Variants in DLG2 observed in about 807,000 individuals in gnomAD.
DLG2 encodes discs large MAGUK scaffold protein 2.
A neutral mutation model predicts 132.5 loss-of-function variants in DLG2; 45 were observed. The observed-to-expected ratio is 0.34, with a 90% CI of 0.27 to 0.44. The LOEUF (loss-of-function observed/expected upper bound fraction) is 0.44, where lower values mean the gene tolerates loss of function less well. Among genes scored for constraint, DLG2 ranks in the 20% least tolerant of loss-of-function variants. DLG2 has a pLI of 1.00. For synonymous variants in DLG2, 424 were observed against 419.6 expected (o/e 1.01, Z -0.13); for missense variants, 1,045 against 1,196.9 (o/e 0.87, Z 1.87).
intron 3 of DLG2, among the ~76,000 whole-genome samples, chr11:85,494,065 T>A (rs1379323393): frequency 2.0e-5 from 3 of 152,014 alleles, no homozygotes; most frequent in Non-Finnish European, 2.9e-5. Flanking sequence ...CTTCCTTCAA[T>A]CTTGACCCCT....
intron 18 of DLG2, among the ~76,000 whole-genome samples, chr11:83,761,117 T>C (rs923596462): frequency 2.0e-5 from 3 of 152,200 alleles, no homozygotes; most frequent in Non-Finnish European, 4.4e-5. Flanking sequence ...ATATGGCTTC[T>C]GGTTGGGTTT....
chr11:84,906,253 T>C (rs2091496684), intron 6 of DLG2, among the ~76,000 whole-genome samples: 1 of 143,792 alleles, frequency 7.0e-6, no homozygotes, highest in Admixed American at 7.0e-5. Context: ...TTTTTTTTTT[T>C]ACATCCCTAA....
At chr11:83,767,173 G>C (rs1348204171) in intron 18 of DLG2, among the ~76,000 whole-genome samples, 1 of 152,154 alleles carries the variant, frequency 6.6e-6, no homozygotes, top group Non-Finnish European at 1.5e-5. Flanking sequence ...TAGGTATTGG[G>C]ATATGGACAT....
At position 85,321,247 on chromosome 11, in the gene DLG2, G is replaced by C. The variant is rs1054017315; in HGVS notation, c.41-35882C>G. 2.0e-5 allele frequency among the ~76,000 whole-genome samples: 3 copies of C among 151,884 alleles called. No homozygotes were observed. The East Asian group carries it at 5.8e-4, about 29-fold the overall frequency. ...TTTAGCCTGGGCAAGTGGAAAAATT[G>C]AGTCACTATTTATTAAGATGGAAAA... On this transcript the variant is annotated intron_variant, in intron 3 of 27. Coordinates refer to ENST00000376104, the MANE Select transcript of DLG2 (RefSeq NM_001142699.3).
intron 6 of DLG2, among the ~76,000 whole-genome samples, chr11:84,724,276 T>A (rs1291981267): frequency 2.6e-5 from 4 of 152,232 alleles, no homozygotes; most frequent in Non-Finnish European, 5.9e-5. Flanking sequence ...ATCTTCTAAA[T>A]ACATTTTTAT....
chr11:85,493,623 T>C (rs906619278), intron 3 of DLG2, among the ~76,000 whole-genome samples: 2 of 151,490 alleles, frequency 1.3e-5, no homozygotes, highest in African/African-American at 2.4e-5. Flanking sequence ...CGAGCTATGA[T>C]TGTGCCCCTG....
intron 7 of DLG2, among the ~76,000 whole-genome samples, chr11:84,384,329 C>T (rs904976357): frequency 1.3e-5 from 2 of 151,864 alleles, no homozygotes; most frequent in Non-Finnish European, 2.9e-5. Context: ...GAAAATGCAA[C>T]TTTAAAAGAC....
At chr11:84,134,897 A>C (rs962641570) in intron 9 of DLG2, among the ~76,000 whole-genome samples, 23 of 151,998 alleles carry the variant, frequency 1.5e-4, no homozygotes, top group Non-Finnish European at 1.5e-4. Context: ...TACAGCACCC[A>C]CCCAGACTAG....
intron 14 of DLG2, among the ~76,000 whole-genome samples, chr11:83,962,256 T>C (rs1204057496): frequency 6.6e-6 from 1 of 152,072 alleles, no homozygotes; most frequent in African/African-American, 2.4e-5. Flanking sequence ...TAAACTCATT[T>C]TGTAAAAATA....
At chr11:83,650,156 G>T (rs1359637538) in intron 18 of DLG2, among the ~76,000 whole-genome samples, 1 of 152,160 alleles carries the variant, frequency 6.6e-6, no homozygotes, top group East Asian at 1.9e-4. Flanking sequence ...CTGAATGATG[G>T]CCCCCAAGTA....
At chr11:84,789,042 T>C (rs1360317492) in intron 6 of DLG2, among the ~76,000 whole-genome samples, 1 of 152,150 alleles carries the variant, frequency 6.6e-6, no homozygotes, top group Non-Finnish European at 1.5e-5. Flanking sequence ...TGCAAGGAAG[T>C]GAAACAAAGA....
intron 6 of DLG2, among the ~76,000 whole-genome samples, chr11:84,709,217 T>G (rs934278350): frequency 1.1e-4 from 17 of 151,948 alleles, no homozygotes; most frequent in Admixed American, 1.1e-3. Context: ...GTGATGGCAC[T>G]TGGTGAATAC....
Position 84,241,480 on chromosome 11 carries a change from G to A in DLG2, c.573+9758C>T, listed in dbSNP as rs772203949. ...GATATGTAAGAATAAGCCAGGCAGA[G>A]ATAAGCAAGGCGTGTTTAACAACAT... On this transcript the variant is annotated intron_variant, in intron 8 of 27. Transcript: ENST00000376104. Among the ~76,000 whole-genome samples, 155 of 152,218 alleles carry A rather than the reference G, an allele frequency of 1.0e-3. 2 individuals are homozygous for A. Among genetic ancestry groups the A allele is most frequent in the Non-Finnish European group, 2.9e-4 (20 of 68,024 alleles).
Position 83,716,082 on chromosome 11 carries a change from C to A in DLG2, c.1825+70608G>T, listed in dbSNP as rs557099548. The stretch of plus-strand genomic sequence containing the variant: ...GATTTGTCCTCCAATGCCCACCATG[C>A]CTGGCACATAACATAGCAAGTGCTC... On this transcript the variant is annotated intron_variant, in intron 18 of 27. Coordinates refer to ENST00000376104, the MANE Select transcript of DLG2 (RefSeq NM_001142699.3). Among the ~76,000 whole-genome samples the A allele has an allele frequency of 1.4e-3, 215 of 152,290 alleles. 3 individuals are homozygous for A. Among genetic ancestry groups the A allele is most frequent in the East Asian group, 7.7e-4 (4 of 5,192 alleles).
chr11:84,099,583 G>A (rs530960987), intron 9 of DLG2, among the ~76,000 whole-genome samples: 22 of 151,804 alleles, frequency 1.4e-4, no homozygotes, highest in Non-Finnish European at 2.7e-4. Flanking sequence ...CATAATACAT[G>A]AGAGATACTT....
chr11:83,544,821 A>G (rs558230378), intron 19 of DLG2, among the ~76,000 whole-genome samples: 26 of 152,302 alleles, frequency 1.7e-4, no homozygotes, highest in Middle Eastern at 3.4e-3. Context: ...GAGGTTGAAT[A>G]TAAAATGAGG....
intron 8 of DLG2, among the ~76,000 whole-genome samples, chr11:84,171,351 G>A (rs945738935): frequency 5.3e-5 from 8 of 152,060 alleles, no homozygotes; most frequent in African/African-American, 1.7e-4. Context: ...GATCACCTAA[G>A]GTACACTGTA....
At chr11:83,679,466 T>G (rs2078361023) in intron 18 of DLG2, among the ~76,000 whole-genome samples, 2 of 152,212 alleles carry the variant, frequency 1.3e-5, no homozygotes, top group Admixed American at 6.5e-5. Context: ...TGAATAATTA[T>G]GTAAGGATTT....
chr11:84,482,423 A>G (rs2099140185), intron 7 of DLG2, among the ~76,000 whole-genome samples: 1 of 152,208 alleles, frequency 6.6e-6, no homozygotes, highest in Non-Finnish European at 1.5e-5. Context: ...CAGGTGCAGG[A>G]CTTAAAAAGG....
Sources: gnomAD v4.1 joint callset for allele counts (sites outside exome capture counted in the v4.1 genomes callset) on GRCh38, gnomAD v4.1.1 for gene constraint, MANE v1.5 for transcripts, NCBI Gene and HGNC (gene_info 2026-07-23, HGNC 2026-07-21) for gene names.